Variants in LYN observed in about 807,000 individuals in gnomAD.
LYN encodes the protein tyrosine-protein kinase Lyn.
In LYN, 12 loss-of-function variants were observed where a neutral mutation model predicts 65.0. The observed-to-expected ratio is 0.18, with a 90% CI of 0.12 to 0.30. LYN has a LOEUF of 0.30. Among genes scored for constraint, LYN ranks in the 10% least tolerant of loss-of-function variants. The probability of loss-of-function intolerance (pLI) is 1.00; values close to 1 mark genes in which losing one functional copy is unlikely to be tolerated. For synonymous variants in LYN, 222 were observed against 221.2 expected, an observed-to-expected ratio of 1.00 and a Z score of -0.03; for missense variants, 380 against 623.2, an observed-to-expected ratio of 0.61 and a Z score of 4.16.
chr8:55,911,870 GA>G (rs1327996573), intron 1 of LYN, among the ~76,000 whole-genome samples: 1 of 152,182 alleles, frequency 6.6e-6, no homozygotes, highest in Non-Finnish European at 1.5e-5. Flanking sequence ...GAGAAGATGG[GA>G]GGGGAGTGGG....
chr8:55,978,107 A>G (rs553861908), intron 10 of LYN, among the ~76,000 whole-genome samples: 6 of 152,148 alleles, frequency 3.9e-5, no homozygotes, highest in Admixed American at 6.6e-5. Flanking sequence ...CTCTCAACCA[A>G]GTGGCTTTCC....
At chr8:55,986,677 C>A (rs1206163916) in intron 10 of LYN, among the ~76,000 whole-genome samples, 1 of 152,158 alleles carries the variant, frequency 6.6e-6, no homozygotes, top group Non-Finnish European at 1.5e-5. Flanking sequence ...CATCTTTGAG[C>A]TATGAAGGTA....
intron 6 of LYN, 35 bp downstream of exon 6, chr8:55,950,819 A>G (rs773954952): frequency 1.4e-5 from 20 of 1,410,566 alleles, no homozygotes; most frequent in Non-Finnish European, 2.0e-5. Context: ...TTAAAACACT[A>G]TTTAGGAAAT....
chr8:55,992,328 T>G (rs759861985), intron 10 of LYN, among the ~76,000 whole-genome samples: 22 of 152,340 alleles, frequency 1.4e-4, no homozygotes, highest in Non-Finnish European at 2.9e-4. Context: ...GGCCTGACCC[T>G]GTATCCCCTG....
intron 1 of LYN, chr8:55,893,606 C>T (rs1805012520): frequency 6.6e-6 from 1 of 152,180 alleles, no homozygotes; most frequent in African/African-American, 2.4e-5. Context: ...TCCATGAAGT[C>T]ATGCTTCACT....
At chr8:55,978,291 A>G (rs1194617188) in intron 10 of LYN, among the ~76,000 whole-genome samples, 2 of 152,206 alleles carry the variant, frequency 1.3e-5, no homozygotes, top group Non-Finnish European at 2.9e-5. Context: ...TGAAAGCTAG[A>G]GTCCAGGGAT....
intron 1 of LYN, chr8:55,902,661 ACTT>A (rs1805304739): frequency 2.6e-6 from 1 of 391,768 alleles, no homozygotes; most frequent in Non-Finnish European, 5.0e-6. Context: ...ATTCCTTATT[ACTT>A]AAATGTTATT....
chr8:55,998,872 T>A (rs1808444130), intron 11 of LYN, among the ~76,000 whole-genome samples: 1 of 152,242 alleles, frequency 6.6e-6, no homozygotes, highest in South Asian at 2.1e-4. Flanking sequence ...TTCTATATTG[T>A]TTATTCCAGC....
chr8:56,010,552 T>C lies in LYN; in HGVS notation c.*442T>C, dbSNP rs375279721. On this transcript the variant is annotated 3_prime_UTR_variant, in exon 13 of 13. Transcript: ENST00000519728. ...ATATATACATAGCATGACATTTCTT[T>C]GTGCTTTGGCTTACTTGTTTAAAAA... 1 of 231,978 alleles carries C rather than the reference T, an allele frequency of 4.3e-6. No individual in the cohort carries two copies. The highest frequency in any genetic ancestry group is 6.2e-5 in the East Asian group (1 of 16,214). 14.4% of individuals were successfully genotyped at this position (231,978 alleles called of 1,614,324 possible).
At chr8:55,884,019 A>G (rs1804718724) in intron 1 of LYN, among the ~76,000 whole-genome samples, 3 of 152,128 alleles carry the variant, frequency 2.0e-5, no homozygotes, top group African/African-American at 7.2e-5. Context: ...AGAGAATGGT[A>G]TGGAAATCTG....
chr8:55,970,943 G>A (rs1298116767), intron 10 of LYN, among the ~76,000 whole-genome samples: 2 of 152,226 alleles, frequency 1.3e-5, no homozygotes, highest in Non-Finnish European at 2.9e-5. Context: ...AGATGTTGTT[G>A]TGTCACATGC....
Position 55,950,749 on chromosome 8 carries a change from G to A in LYN, c.452G>A (p.Gly151Glu). ...CTTTTGGCACCAGGAAATAGCGCTG[G>A]AGCTTTCCTTATTAGAGAAAGTGAA... ...RQLLAPGNSAGAFLIRESETL... is the reference protein window; with the variant it reads ...RQLLAPGNSAEAFLIRESETL... Residue 151 changes from glycine (G) to glutamate (E), a missense_variant, in exon 6 of 13, where the codon GGA becomes GAA. Gly to Glu is a moderately conservative substitution (Grantham distance 98, BLOSUM62 -2). Transcript: ENST00000519728. 1 of 1,613,964 alleles carries A rather than the reference G, an allele frequency of 6.2e-7. No individual in the cohort carries two copies. Among genetic ancestry groups the A allele is most frequent in the Non-Finnish European group, 8.5e-7 (1 of 1,179,824 alleles).
In LYN at chr8:56,011,381, A is replaced by G. The variant is rs1260384010; in HGVS notation, c.*1271A>G. 4.7e-6 allele frequency: 1 copy of G among 214,824 alleles called. No homozygotes were observed. The highest frequency in any genetic ancestry group is 7.0e-5 in the East Asian group (1 of 14,284). 13.3% of individuals were successfully genotyped at this position (214,824 alleles called of 1,614,324 possible). On this transcript the variant is annotated 3_prime_UTR_variant, in exon 13 of 13. Coordinates refer to ENST00000519728, the MANE Select transcript of LYN (RefSeq NM_002350.4). ...ATTTTAATACACCTCGTCCAATAAC[A>G]TCTCAAGCTTTTTATTTGCATTTAC...
In LYN at chr8:56,010,344, T is replaced by A. The variant is rs905611220; in HGVS notation, c.*234T>A. On this transcript the variant is annotated 3_prime_UTR_variant, in exon 13 of 13. Transcript: ENST00000519728. ...TGGACTTGTCCTCAGCAGCTGGTAA[T>A]CTTGCTCTGCTTGACAACATCTGAG... 7.9e-6 allele frequency: 4 copies of A among 504,612 alleles called. No homozygotes were observed. Among genetic ancestry groups the A allele is most frequent in the Non-Finnish European group, 1.4e-5 (4 of 277,560 alleles). 31.3% of individuals were successfully genotyped at this position (504,612 alleles called of 1,614,324 possible).
chr8:55,936,588 A>C (rs1170271808), intron 1 of LYN, among the ~76,000 whole-genome samples: 1 of 152,066 alleles, frequency 6.6e-6, no homozygotes, highest in Non-Finnish European at 1.5e-5. Flanking sequence ...TGCAGTGAGC[A>C]GAGATCGCGC....
chr8:55,912,523 C>A (rs557243766), intron 1 of LYN, among the ~76,000 whole-genome samples: 1 of 152,076 alleles, frequency 6.6e-6, no homozygotes, highest in Non-Finnish European at 1.5e-5. Context: ...TCCAGGAGTT[C>A]GAGACCAGCC....
At chr8:56,005,956 G>C (rs776106617) in intron 12 of LYN, among the ~76,000 whole-genome samples, 1 of 152,026 alleles carries the variant, frequency 6.6e-6, no homozygotes, top group African/African-American at 2.4e-5. Flanking sequence ...ATGGTGGTAC[G>C]CACCTGTAGT....
intron 1 of LYN, among the ~76,000 whole-genome samples, chr8:55,924,216 T>C (rs921883696): frequency 6.6e-6 from 1 of 152,108 alleles, no homozygotes; most frequent in Admixed American, 6.5e-5. Flanking sequence ...GTGTTTCCCT[T>C]GAAAATTTGA....
intron 8 of LYN, among the ~76,000 whole-genome samples, chr8:55,962,438 T>C (rs1807313607): frequency 6.6e-6 from 1 of 152,232 alleles, no homozygotes; most frequent in Non-Finnish European, 1.5e-5. Flanking sequence ...TGGGTGTGAC[T>C]ACAGTTCATT....
Sources: allele counts gnomAD v4.1 joint callset (sites outside exome capture counted in the v4.1 genomes callset), GRCh38; gene constraint gnomAD v4.1.1; transcripts MANE v1.5; gene names NCBI Gene and HGNC (gene_info 2026-07-23, HGNC 2026-07-21).